WWOX: variants seen among roughly 807,000 people sequenced by gnomAD.
WWOX encodes WW domain-containing oxidoreductase.
A neutral mutation model predicts 46.2 loss-of-function variants in WWOX; 69 were observed. That is an observed-to-expected ratio of 1.49 (90% CI 1.23 to 1.82). WWOX has a LOEUF of 1.82. Ranked by LOEUF, WWOX falls within the 40% of genes most tolerant of loss-of-function variation. WWOX has a pLI of 0.00. For synonymous variants in WWOX, 359 were observed against 202.6 expected (o/e 1.77, Z -6.56); for missense variants, 919 against 542.6 (o/e 1.69, Z -6.89).
chr16:78,501,229 C>G (rs1435634994), intron 8 of WWOX, among the ~76,000 whole-genome samples: 3 of 78,560 alleles, frequency 3.8e-5, no homozygotes, highest in East Asian at 3.5e-4. Context: ...TGGAGCAGCA[C>G]CTGCATGTTG....
At chr16:78,364,717 C>G (rs1220593447) in intron 5 of WWOX, among the ~76,000 whole-genome samples, 2 of 152,144 alleles carry the variant, frequency 1.3e-5, no homozygotes, top group African/African-American at 4.8e-5. Flanking sequence ...GTCTAAATCC[C>G]TGCCAGCATC....
intron 8 of WWOX, among the ~76,000 whole-genome samples, chr16:78,908,679 T>G (rs746479768): frequency 2.5e-4 from 38 of 152,122 alleles, no homozygotes; most frequent in Non-Finnish European, 4.6e-4. Flanking sequence ...GGTCAGGGAA[T>G]GGGGAGTATT....
At chr16:79,137,538 G>T (rs529174909) in intron 8 of WWOX, among the ~76,000 whole-genome samples, 3 of 152,128 alleles carry the variant, frequency 2.0e-5, no homozygotes, top group Non-Finnish European at 4.4e-5. Context: ...GCATTGTCCC[G>T]AGGCAACGTT....
chr16:79,091,503 G>A (rs769174502), intron 8 of WWOX, among the ~76,000 whole-genome samples: 2 of 152,024 alleles, frequency 1.3e-5, no homozygotes, highest in Non-Finnish European at 1.5e-5. Flanking sequence ...TATGATCTTC[G>A]GATTTGGCTC....
intron 6 of WWOX, among the ~76,000 whole-genome samples, chr16:78,410,228 T>A (rs1186678250): frequency 6.6e-6 from 1 of 152,252 alleles, no homozygotes; most frequent in Non-Finnish European, 1.5e-5. Flanking sequence ...TTGTAGAGTC[T>A]GCAGAATCGG....
intron 8 of WWOX, among the ~76,000 whole-genome samples, chr16:79,140,245 C>G (rs918187792): frequency 3.3e-5 from 5 of 152,188 alleles, no homozygotes; most frequent in Non-Finnish European, 5.9e-5. Context: ...AGACCCTGCC[C>G]TGAAATGCAC....
chr16:79,155,247 G>T (rs987186866), intron 8 of WWOX, among the ~76,000 whole-genome samples: 2 of 152,100 alleles, frequency 1.3e-5, no homozygotes, highest in Non-Finnish European at 2.9e-5. Context: ...ATGGTGGCGT[G>T]TGCCTGTAGT....
chr16:78,123,722 C>G (rs1453449111), intron 4 of WWOX: 2 of 148,016 alleles, frequency 1.4e-5, no homozygotes, highest in African/African-American at 5.0e-5. Flanking sequence ...TCCCAAAATG[C>G]TGCGATTACA....
intron 5 of WWOX, among the ~76,000 whole-genome samples, chr16:78,216,467 C>G (rs765675661): frequency 6.6e-6 from 1 of 152,120 alleles, no homozygotes; most frequent in Non-Finnish European, 1.5e-5. Context: ...ACAGGGTTCT[C>G]CTTGGGCTAA....
In WWOX at chr16:78,416,672, A is replaced by G. The variant is rs112050981; in HGVS notation, c.606-8198A>G. Among the ~76,000 whole-genome samples, 684 of 152,330 alleles carry G rather than the reference A, an allele frequency of 4.5e-3. 1 individual carries two copies. The highest frequency in any genetic ancestry group is 7.9e-3 in the Admixed American group (121 of 15,306). The stretch of plus-strand genomic sequence containing the variant: ...AGAGACATTGTTGTTATTGAGAAGT[A>G]TGAAGTTAAAATTCCCAATGTCCAG... On this transcript the variant is annotated intron_variant, in intron 6 of 8. Transcript: ENST00000566780.
At chr16:78,668,234 C>G (rs529208575) in intron 8 of WWOX, among the ~76,000 whole-genome samples, 2 of 152,272 alleles carry the variant, frequency 1.3e-5, no homozygotes, top group South Asian at 2.1e-4. Flanking sequence ...CAGCCGAGAT[C>G]TATGCCATTG....
intron 8 of WWOX, chr16:78,826,124 A>G: frequency 3.6e-6 from 1 of 281,238 alleles, no homozygotes; most frequent in Non-Finnish European, 6.5e-6. Context: ...GGGAGTCAAG[A>G]CAGGCCGATC....
chr16:78,825,304 G>T (rs1252959390), intron 8 of WWOX: 33 of 299,656 alleles, frequency 1.1e-4, no homozygotes. Context: ...TTTCCAAGAA[G>T]AGGATGTTGG....
At chr16:78,443,475 C>A (rs542348120) in intron 8 of WWOX, among the ~76,000 whole-genome samples, 1 of 152,082 alleles carries the variant, frequency 6.6e-6, no homozygotes, top group Non-Finnish European at 1.5e-5. Flanking sequence ...GAAACATTGG[C>A]CACTTTCTTG....
chr16:78,630,495 A>C (rs2046402473), intron 8 of WWOX, among the ~76,000 whole-genome samples: 2 of 152,170 alleles, frequency 1.3e-5, no homozygotes, highest in African/African-American at 4.8e-5. Flanking sequence ...AACTGTGGAC[A>C]CTGAGTCCCT....
At chr16:78,627,775 A>G (rs535943742) in intron 8 of WWOX, among the ~76,000 whole-genome samples, 6 of 152,214 alleles carry the variant, frequency 3.9e-5, no homozygotes, top group Non-Finnish European at 8.8e-5. Context: ...GACTAGACAA[A>G]AGGTGCAGAG....
chr16:78,118,022 GTTCTTTCT>G lies in WWOX; in HGVS notation c.409+2887_409+2894del, dbSNP rs376247260. ...ATTTGCAAATCTAGTATTTCCAGTG[GTTCTTTCT>G]TTCTTTCTTTCTTTCTTTTTTTTTT... is the stretch of plus-strand genomic sequence containing the variant. On this transcript the variant is annotated intron_variant, in intron 4 of 8. Coordinates refer to ENST00000566780, the MANE Select transcript of WWOX (RefSeq NM_016373.4). 1.9e-3 allele frequency among the ~76,000 whole-genome samples: 279 copies of G among 150,190 alleles called. 2 individuals carry two copies. The highest frequency in any genetic ancestry group is 6.3e-3 in the African/African-American group (256 of 40,920).
rs374758707 is a variant in WWOX, at chr16:78,193,184, C to G, written c.516+28895C>G. Among the ~76,000 whole-genome samples, 9 of 152,252 alleles carry G rather than the reference C, an allele frequency of 5.9e-5. No individual in the cohort carries two copies. In the East Asian group the frequency reaches 1.2e-3, roughly 20 times the overall value. ...ATTGTCATATATCAATGGCAGTAGC[C>G]AAGACCAACAGCCAAGACCAATGTA... On this transcript the variant is annotated intron_variant, in intron 5 of 8. Transcript: ENST00000566780.
intron 8 of WWOX, among the ~76,000 whole-genome samples, chr16:79,020,555 A>G (rs969437765): frequency 5.9e-5 from 9 of 152,204 alleles, no homozygotes; most frequent in South Asian, 4.1e-4. Flanking sequence ...AACACAATCT[A>G]TAAATGTTTG....
Sources: gnomAD v4.1 joint callset for allele counts (sites outside exome capture counted in the v4.1 genomes callset) on GRCh38, gnomAD v4.1.1 for gene constraint, MANE v1.5 for transcripts, NCBI Gene and HGNC (gene_info 2026-07-23, HGNC 2026-07-21) for gene names.